The following TOB1 variants were observed in gnomAD, a reference collection of about 807,000 sequenced individuals.
The protein encoded by TOB1 is protein Tob1.
Under a neutral mutation model 22.9 loss-of-function variants are expected in TOB1, and 2 were observed. That is an observed-to-expected ratio of 0.09 (90% CI 0.04 to 0.28). The LOEUF is 0.28. TOB1 is among the 10% of genes least tolerant of loss of function. The pLI is 1.00. For synonymous variants in TOB1, 154 were observed against 150.6 expected (o/e 1.02, Z -0.17); for missense variants, 299 against 420.5 (o/e 0.71, Z 2.53).
In TOB1 at chr17:50,863,155, C is replaced by A. The variant is rs781285509; in HGVS notation, c.863G>T (p.Gly288Val). ...NMQGQGSSTN[G>V]MFPGDSPLNL... Reference sequence around the variant, plus strand: ...AAGGGGGCTGTCACCTGGGAACATTCCATTGGTACTACTACCTTGACCCTG... The same window carrying A: ...AAGGGGGCTGTCACCTGGGAACATTACATTGGTACTACTACCTTGACCCTG... The change falls in exon 2 of 2, where the codon GGA becomes GTA. Residue 288 changes from glycine (G) to valine (V), a missense_variant. By Grantham distance (109) the Gly-to-Val change is moderately radical. Coordinates refer to ENST00000499247, the MANE Select transcript of TOB1 (RefSeq NM_005749.4). 11 of 1,614,146 alleles carry A rather than the reference C, an allele frequency of 6.8e-6. No homozygotes were observed. The highest frequency in any genetic ancestry group is 1.1e-5 in the South Asian group (1 of 91,076).
Position 50,863,573 on chromosome 17 carries a change from C to T in TOB1, c.445G>A (p.Val149Met), listed in dbSNP as rs776434253. ...FMPISDPASSVSSSPSPPFGH... is the reference protein window; with the variant it reads ...FMPISDPASSMSSSPSPPFGH... ...AAAGGAGGCGATGGAGAGCTGGACACTGATGAGGCTGGGTCACTTATGGGC... is the reference window on the plus strand; with the variant it reads ...AAAGGAGGCGATGGAGAGCTGGACATTGATGAGGCTGGGTCACTTATGGGC... The change falls in exon 2 of 2, where the codon GTG becomes ATG. Residue 149 changes from valine (V) to methionine (M), a missense_variant. By Grantham distance (21) the Val-to-Met change is conservative. Coordinates refer to ENST00000499247, the MANE Select transcript of TOB1 (RefSeq NM_005749.4). 3 of 1,614,124 alleles carry T rather than the reference C, an allele frequency of 1.9e-6. No individual in the cohort carries two copies. The highest frequency in any genetic ancestry group is 2.5e-6 in the Non-Finnish European group (3 of 1,180,030).
rs1037024476 is a variant in TOB1 at position 50,862,445 on chromosome 17, G to T, written c.*535C>A. 1 of 151,798 alleles carries T rather than the reference G, an allele frequency of 6.6e-6. No individual in the cohort carries two copies. Among genetic ancestry groups the T allele is most frequent in the Admixed American group, 6.6e-5 (1 of 15,210 alleles). The allele number at this position is 151,798 out of a possible 1,614,324, so 9.4% of individuals were successfully genotyped here. ...CATTTTTTTGAAAAAGCAAGTATTCGTACATTTTAATTCCACCACTAAAGG... is the reference window on the plus strand; with the variant it reads ...CATTTTTTTGAAAAAGCAAGTATTCTTACATTTTAATTCCACCACTAAAGG... On this transcript the variant is annotated 3_prime_UTR_variant, in exon 2 of 2. Coordinates refer to ENST00000499247, the MANE Select transcript of TOB1 (RefSeq NM_005749.4).
upstream of TOB1, chr17:50,867,606 G>C (rs916304175): frequency 1.1e-4 from 16 of 152,262 alleles, 1 homozygote; most frequent in Admixed American, 1.3e-4. Context: ...GGAAAGTCTG[G>C]GGGGAGCGAA....
At position 50,864,108 on chromosome 17, in the gene TOB1, T is replaced by C; in HGVS notation, c.-91A>G. The C allele has an allele frequency of 7.8e-7, 1 of 1,282,964 alleles. No homozygotes were observed. The highest frequency in any genetic ancestry group is 1.0e-6 in the Non-Finnish European group (1 of 975,328). The allele number at this position is 1,282,964 out of a possible 1,614,324, so 79.5% of individuals were successfully genotyped here. A position where few individuals can be genotyped will look rare whatever the true frequency, so the allele number is the denominator to read the frequency against. On this transcript the variant is annotated 5_prime_UTR_variant, in exon 2 of 2. Transcript: ENST00000499247. Reference sequence around the variant, plus strand: ...TTCAGTTTGTGGCAGAGAAACAAATTTTCATTCAAAGTGCTGGTATTAGTA... The same window carrying C: ...TTCAGTTTGTGGCAGAGAAACAAATCTTCATTCAAAGTGCTGGTATTAGTA...
At position 50,862,882 on chromosome 17, in the gene TOB1, C is replaced by T; in HGVS notation, c.*98G>A. Reference sequence around the variant, plus strand: ...TTTTTTAACCAAGCTTGAATGTATCCTTACTATAAGCTTAAAAAAAAAAAT... The same window carrying T: ...TTTTTTAACCAAGCTTGAATGTATCTTTACTATAAGCTTAAAAAAAAAAAT... On this transcript the variant is annotated 3_prime_UTR_variant, in exon 2 of 2. Coordinates refer to ENST00000499247, the MANE Select transcript of TOB1 (RefSeq NM_005749.4). The T allele has an allele frequency of 7.8e-6, 11 of 1,417,770 alleles. No homozygotes were observed. Among genetic ancestry groups the T allele is most frequent in the East Asian group, 2.4e-5 (1 of 40,986 alleles). 87.8% of individuals were successfully genotyped at this position (1,417,770 alleles called of 1,614,324 possible).
chr17:50,864,984 C>A (rs1972274213), intron 1 of TOB1, among the ~76,000 whole-genome samples: 1 of 152,110 alleles, frequency 6.6e-6, no homozygotes, highest in Non-Finnish European at 1.5e-5. Context: ...TTTAAAAAAC[C>A]TCCGTCTGTC....
intron 1 of TOB1, 143 bp from the exon 2 acceptor site, chr17:50,864,306 TACTAG>T: frequency 1.3e-5 from 4 of 311,396 alleles, no homozygotes; most frequent in Non-Finnish European, 1.6e-5. Flanking sequence ...AGAAAATGTC[TACTAG>T]GACAGAAAGC....
intron 1 of TOB1, among the ~76,000 whole-genome samples, chr17:50,865,654 G>A (rs1972288452): frequency 6.6e-6 from 1 of 151,898 alleles, no homozygotes; most frequent in African/African-American, 2.4e-5. Context: ...GCTGCTCCCC[G>A]CCCCGTGGCC....
In TOB1 at chr17:50,863,867, T is replaced by G. The variant is rs1281959259; in HGVS notation, c.151A>C (p.Lys51Gln). ...EGHWYPEKPYKGSGFRCIHIG... is the reference protein window; with the variant it reads ...EGHWYPEKPYQGSGFRCIHIG... ...TGTATACATCTAAACCCCGATCCTT[T>G]GTATGGCTTTTCAGGATACCAGTGC... The change falls in exon 2 of 2, where the codon AAA (lysine) becomes CAA (glutamine). Residue 51 changes from lysine (K) to glutamine (Q), a missense_variant. Transcript: ENST00000499247. 8.7e-6 allele frequency: 14 copies of G among 1,614,116 alleles called. No homozygotes were observed. Among genetic ancestry groups the G allele is most frequent in the Non-Finnish European group, 1.1e-5 (13 of 1,180,030 alleles).
intron 1 of TOB1, among the ~76,000 whole-genome samples, chr17:50,865,084 T>C (rs564555346): frequency 1.7e-4 from 26 of 152,020 alleles, no homozygotes; most frequent in African/African-American, 6.0e-4. Flanking sequence ...CAGCACTGGG[T>C]GGGGATAAGA....
At chr17:50,867,604 T>G (rs1417891419), upstream of TOB1, 1 of 152,034 alleles carries the variant, frequency 6.6e-6, no homozygotes, top group Non-Finnish European at 1.5e-5. Context: ...GGGGAAAGTC[T>G]GGGGGGAGCG....
In TOB1 at chr17:50,862,632, CTGA is replaced by C. The variant is rs1489834361; in HGVS notation, c.*345_*347del. On this transcript the variant is annotated 3_prime_UTR_variant, in exon 2 of 2. Coordinates refer to ENST00000499247, the MANE Select transcript of TOB1 (RefSeq NM_005749.4). Reference sequence around the variant, plus strand: ...CGTAGAAACAATATATATATATCCTCTGATATTTTACAAACTTTGTACTAAATT... The same window carrying C: ...CGTAGAAACAATATATATATATCCTCTATTTTACAAACTTTGTACTAAATT... The C allele has an allele frequency of 5.5e-6, 1 of 181,056 alleles. No homozygotes were observed. Among genetic ancestry groups the C allele is most frequent in the African/African-American group, 2.4e-5 (1 of 42,412 alleles). 11.2% of individuals were successfully genotyped at this position (181,056 alleles called of 1,614,324 possible). A position where few individuals can be genotyped will look rare whatever the true frequency, so the allele number is the denominator to read the frequency against.
At position 50,862,804 on chromosome 17, in the gene TOB1, A is replaced by G. The variant is rs1972232962; in HGVS notation, c.*176T>C. 3.4e-5 allele frequency: 30 copies of G among 889,952 alleles called. No individual in the cohort carries two copies. The highest frequency in any genetic ancestry group is 4.3e-5 in the Non-Finnish European group (27 of 624,410). The allele number at this position is 889,952 out of a possible 1,614,324, so 55.1% of individuals were successfully genotyped here. ...ACTTTAAAATATACAGTCAGTATAA[A>G]ATAACTTTGTGCTTGGTTGGCAAAT... On this transcript the variant is annotated 3_prime_UTR_variant, in exon 2 of 2. Coordinates refer to ENST00000499247, the MANE Select transcript of TOB1 (RefSeq NM_005749.4).
Position 50,863,826 on chromosome 17 carries a change from C to T in TOB1, c.192G>A (p.Val64=), listed in dbSNP as rs779250312. The T allele has an allele frequency of 5.8e-5, 93 of 1,613,948 alleles. No homozygotes were observed. The highest frequency in any genetic ancestry group is 7.4e-5 in the Non-Finnish European group (87 of 1,180,022). The part of the protein sequence containing the change: ...GFRCIHIGEK[V]DPVIEQASKE... The stretch of plus-strand genomic sequence containing the variant: ...TGGATGCTTGTTCAATCACTGGGTC[C>T]ACTTTCTCCCCTATGTGTATACATC... Residue 64 remains valine (V), a synonymous_variant, in exon 2 of 2, where the codon GTG becomes GTA. Coordinates refer to ENST00000499247, the MANE Select transcript of TOB1 (RefSeq NM_005749.4).
Position 50,863,268 on chromosome 17 carries a change from T to C in TOB1, c.750A>G (p.Pro250=), listed in dbSNP as rs777714697. The change falls in exon 2 of 2, where the codon CCA becomes CCG. Residue 250 remains proline, a synonymous_variant. Transcript: ENST00000499247. ...GCTGCTGTGGTGGTGGTGGTGGCGG[T>C]GGCGGCTGGGCTGGCTGCTGCTGTT... The part of the protein sequence containing the change: ...PQQQQQPAQP[P]PPPPPPQQQQ... 8.1e-6 allele frequency: 13 copies of C among 1,613,248 alleles called. No homozygotes were observed. In the East Asian group the frequency reaches 1.3e-4, roughly 17 times the overall value.
chr17:50,864,130 A>G lies in TOB1; in HGVS notation c.-113T>C. 7.1e-7 allele frequency: 1 copy of G among 1,416,066 alleles called. No homozygotes were observed. Among genetic ancestry groups the G allele is most frequent in the Non-Finnish European group, 9.1e-7 (1 of 1,094,384 alleles). 87.7% of individuals were successfully genotyped at this position (1,416,066 alleles called of 1,614,324 possible). A position where few individuals can be genotyped will look rare whatever the true frequency, so the allele number is the denominator to read the frequency against. On this transcript the variant is annotated 5_prime_UTR_variant, in exon 2 of 2. Coordinates refer to ENST00000499247, the MANE Select transcript of TOB1 (RefSeq NM_005749.4). The stretch of plus-strand genomic sequence containing the variant: ...AATTTTCATTCAAAGTGCTGGTATT[A>G]GTAGATTATCCTTCACCTTGAGTGA...
Position 50,862,569 on chromosome 17 carries a change from G to A in TOB1, c.*411C>T, listed in dbSNP as rs566490929. 1 of 155,852 alleles carries A rather than the reference G, an allele frequency of 6.4e-6. No homozygotes were observed. Among genetic ancestry groups the A allele is most frequent in the East Asian group, 1.9e-4 (1 of 5,266 alleles). 9.7% of individuals were successfully genotyped at this position (155,852 alleles called of 1,614,324 possible). A position where few individuals can be genotyped will look rare whatever the true frequency, so the allele number is the denominator to read the frequency against. On this transcript the variant is annotated 3_prime_UTR_variant, in exon 2 of 2. Transcript: ENST00000499247. Reference sequence around the variant, plus strand: ...ACAACATGAAGCTGCTGCTGTCACAGATCACTGTAGTAAAAAGATATAAAT... The same window carrying A: ...ACAACATGAAGCTGCTGCTGTCACAAATCACTGTAGTAAAAAGATATAAAT...
At chr17:50,864,217 G>T in intron 1 of TOB1, 54 bp from the exon 2 acceptor site, 2 of 1,032,536 alleles carry the variant, frequency 1.9e-6, no homozygotes, top group East Asian at 3.2e-5. Flanking sequence ...TAAGTCCCAT[G>T]ACCTTCCCCC....
chr17:50,866,502 G>A (rs1972312451), upstream of TOB1: 1 of 151,882 alleles, frequency 6.6e-6, no homozygotes, highest in Non-Finnish European at 1.5e-5. Context: ...GTCCCCCGCC[G>A]GCCGGCTCCG....
Sources: allele counts gnomAD v4.1 joint callset (sites outside exome capture counted in the v4.1 genomes callset), GRCh38; gene constraint gnomAD v4.1.1; transcripts MANE v1.5; gene names NCBI Gene and HGNC (gene_info 2026-07-23, HGNC 2026-07-21).